The following ZCWPW1 variants were observed in gnomAD, a reference collection of about 807,000 sequenced individuals.
ZCWPW1 encodes the protein zinc finger CW-type PWWP domain protein 1.
A neutral mutation model predicts 81.3 loss-of-function variants in ZCWPW1; 56 were observed. That is an observed-to-expected ratio of 0.69 (90% CI 0.56 to 0.86). ZCWPW1 has a LOEUF of 0.86. Ranked by LOEUF, ZCWPW1 falls within the 40% of genes least tolerant of loss-of-function variation. The probability of loss-of-function intolerance (pLI) is 0.00; values close to 1 mark genes in which losing one functional copy is unlikely to be tolerated. For missense variants in ZCWPW1, 650 were observed against 769.8 expected (o/e 0.84, Z 1.84); for synonymous variants, 250 against 273.7 (o/e 0.91, Z 0.86).
At chr7:100,423,165 A>G (rs1796644812) in intron 2 of ZCWPW1, among the ~76,000 whole-genome samples, 1 of 152,212 alleles carries the variant, frequency 6.6e-6, no homozygotes, top group Non-Finnish European at 1.5e-5. Flanking sequence ...TGGTTTGCCT[A>G]AAGACTCAGT....
chr7:100,425,602 A>G (rs1488170875), intron 1 of ZCWPW1, among the ~76,000 whole-genome samples: 1 of 152,210 alleles, frequency 6.6e-6, no homozygotes, highest in Non-Finnish European at 1.5e-5. Context: ...TCCCTTTTCC[A>G]ACTACCTATC....
chr7:100,415,075 ATT>A (rs1165297451), intron 8 of ZCWPW1, among the ~76,000 whole-genome samples: 8,567 of 73,772 alleles, frequency 0.12, 460 homozygotes, highest in Non-Finnish European at 0.16. Flanking sequence ...CTCCGTACCC[ATT>A]TTTTTTTTTT....
intron 12 of ZCWPW1, among the ~76,000 whole-genome samples, chr7:100,406,256 G>T (rs911923453): frequency 6.6e-6 from 1 of 152,170 alleles, no homozygotes; most frequent in South Asian, 2.1e-4. Context: ...TCACAACCAT[G>T]GGCAGGGTGG....
chr7:100,404,035 A>G, intron 14 of ZCWPW1, 143 bp downstream of exon 14: 1 of 908,148 alleles, frequency 1.1e-6, no homozygotes, highest in South Asian at 1.7e-5. Flanking sequence ...TACTGGGTCA[A>G]TGACATTCAC....
intron 4 of ZCWPW1, 126 bp from the exon 5 acceptor site, chr7:100,419,315 A>G: frequency 1.2e-6 from 1 of 817,116 alleles, no homozygotes; most frequent in Non-Finnish European, 1.9e-6. Flanking sequence ...CAGTCAGCAT[A>G]CCTAAGGAGG....
intron 8 of ZCWPW1, among the ~76,000 whole-genome samples, chr7:100,410,413 G>A (rs1053930351): frequency 6.6e-6 from 1 of 152,046 alleles, no homozygotes; most frequent in African/African-American, 2.4e-5. Flanking sequence ...TGTCTCTTGG[G>A]ACAGAAAGTC....
intron 5 of ZCWPW1, among the ~76,000 whole-genome samples, chr7:100,418,376 C>T (rs1795740897): frequency 6.6e-6 from 1 of 152,180 alleles, no homozygotes; most frequent in South Asian, 2.1e-4. Context: ...TAGGGCCAGG[C>T]ACTGTAGCTC....
chr7:100,417,283 G>T (rs1251029057), intron 5 of ZCWPW1, 100 bp from the exon 6 acceptor site: 3 of 798,464 alleles, frequency 3.8e-6, no homozygotes, highest in Non-Finnish European at 6.0e-6. Flanking sequence ...CCTGTAGCCT[G>T]AAAGAGCCTA....
intron 15 of ZCWPW1, among the ~76,000 whole-genome samples, chr7:100,402,780 T>A (rs1011161488): frequency 3.3e-5 from 5 of 152,156 alleles, no homozygotes; most frequent in African/African-American, 9.7e-5. Context: ...ATGCAAGGCT[T>A]TAGGCATAAA....
chr7:100,407,243 A>G lies in ZCWPW1; in HGVS notation c.1053T>C (p.His351=), dbSNP rs1357937665. The G allele has an allele frequency of 6.2e-7, 1 of 1,613,916 alleles. No individual in the cohort carries two copies. The highest frequency in any genetic ancestry group is 1.3e-5 in the African/African-American group (1 of 74,926). The part of the protein sequence containing the change: ...DLGEYFLFTS[H]LDSLPSKYHV... ...GGAAACTCACCGGCAGGGAATCAAG[A>G]TGGGAAGTAAAAAGAAAATATTCCC... is the stretch of plus-strand genomic sequence containing the variant. Residue 351 remains histidine (H), a synonymous_variant, in exon 11 of 18, where the codon CAT becomes CAC. Coordinates refer to ENST00000684423, the MANE Select transcript of ZCWPW1 (RefSeq NM_001386010.1).
rs751636333 is a variant in ZCWPW1, at chr7:100,404,980, A to G, written c.1254+33T>C. On this transcript the variant is annotated intron_variant, in intron 13 of 17. Coordinates refer to ENST00000684423, the MANE Select transcript of ZCWPW1 (RefSeq NM_001386010.1). Reference sequence around the variant, plus strand: ...GAATCCCCCTTGTCCAAGAGTAGGGAAAGGAATGGGTGTGGTCTGAACACC... The same window carrying G: ...GAATCCCCCTTGTCCAAGAGTAGGGGAAGGAATGGGTGTGGTCTGAACACC... 4.4e-6 allele frequency: 7 copies of G among 1,593,176 alleles called. No individual in the cohort carries two copies. The African/African-American group carries it at 9.4e-5, about 21-fold the overall frequency.
At position 100,417,086 on chromosome 7, in the gene ZCWPW1, A is replaced by G; in HGVS notation, c.459T>C (p.Thr153=). The change falls in exon 6 of 18, where the codon ACT becomes ACC. Residue 153 remains threonine, a synonymous_variant. Transcript: ENST00000684423. The part of the protein sequence containing the change: ...DKEPGITASA[T]DTDNANGEEV... ...CTTACCCATTAGCATTATCAGTATC[A>G]GTAGCAGAAGCAGTAATTCCTGGCT... The G allele has an allele frequency of 1.2e-6, 2 of 1,614,080 alleles. No homozygotes were observed. Among genetic ancestry groups the G allele is most frequent in the Non-Finnish European group, 1.7e-6 (2 of 1,179,930 alleles).
chr7:100,411,548 G>A (rs914947999), intron 8 of ZCWPW1, among the ~76,000 whole-genome samples: 2 of 152,082 alleles, frequency 1.3e-5, no homozygotes, highest in Non-Finnish European at 2.9e-5. Flanking sequence ...GGATTACAGG[G>A]GTGAGCCACC....
In ZCWPW1 at chr7:100,400,945, C is replaced by G. The variant is rs1791745905; in HGVS notation, c.*69G>C. The G allele has an allele frequency of 6.8e-7, 1 of 1,477,732 alleles. No homozygotes were observed. Among genetic ancestry groups the G allele is most frequent in the South Asian group, 1.3e-5 (1 of 74,864 alleles). The allele number at this position is 1,477,732 out of a possible 1,614,324, so 91.5% of individuals were successfully genotyped here. On this transcript the variant is annotated 3_prime_UTR_variant, in exon 18 of 18. Coordinates refer to ENST00000684423, the MANE Select transcript of ZCWPW1 (RefSeq NM_001386010.1). ...GAACCTCATAGCCAATGAACAGACC[C>G]AGCACTTAGCAACTTCTCCCTCCTG...
intron 2 of ZCWPW1, among the ~76,000 whole-genome samples, chr7:100,423,594 T>A (rs1428513831): frequency 1.3e-5 from 2 of 152,176 alleles, no homozygotes; most frequent in African/African-American, 4.8e-5. Context: ...AGATGTGCTG[T>A]TCTAAAGCAA....
chr7:100,402,152 A>G, intron 16 of ZCWPW1, 111 bp from the exon 17 acceptor site: 1 of 1,392,484 alleles, frequency 7.2e-7, no homozygotes. Flanking sequence ...CTCAGTTGCA[A>G]TCTAGTGAGT....
intron 16 of ZCWPW1, 137 bp downstream of exon 16, chr7:100,402,379 C>G (rs1256348463): frequency 1.0e-6 from 1 of 984,670 alleles, no homozygotes. Context: ...CCCCATGACA[C>G]TATGGGTGAG....
intron 12 of ZCWPW1, among the ~76,000 whole-genome samples, chr7:100,406,479 C>T (rs2130471152): frequency 6.6e-6 from 1 of 152,196 alleles, no homozygotes; most frequent in South Asian, 2.1e-4. Flanking sequence ...CAGAATGGCC[C>T]CCAATCTGTA....
rs774021739 is a variant in ZCWPW1 at position 100,415,958 on chromosome 7, A to C, written c.754+17T>G. The C allele has an allele frequency of 6.2e-7, 1 of 1,613,734 alleles. No homozygotes were observed. Among genetic ancestry groups the C allele is most frequent in the Non-Finnish European group, 8.5e-7 (1 of 1,179,942 alleles). On this transcript the variant is annotated intron_variant, in intron 8 of 17. Coordinates refer to ENST00000684423, the MANE Select transcript of ZCWPW1 (RefSeq NM_001386010.1). ...AATTTTCAGGCCAAGTAGGTTTGCC[A>C]AACCAGCTAAACTCACCAAAACCAC...
Sources: allele counts gnomAD v4.1 joint callset (sites outside exome capture counted in the v4.1 genomes callset), GRCh38; gene constraint gnomAD v4.1.1; transcripts MANE v1.5; gene names NCBI Gene and HGNC (gene_info 2026-07-23, HGNC 2026-07-21).